LAT2: variants seen among roughly 807,000 people sequenced by gnomAD.
LAT2 encodes linker for activation of T-cells family member 2.
Under a neutral mutation model 43.4 loss-of-function variants are expected in LAT2, and 23 were observed. The ratio of observed to expected loss-of-function variants is 0.53; its 90% CI spans 0.38 to 0.75. LAT2 has a LOEUF of 0.75. Among genes scored for constraint, LAT2 ranks in the 30% least tolerant of loss-of-function variants. The probability of loss-of-function intolerance (pLI) is 0.00; values close to 1 mark genes in which losing one functional copy is unlikely to be tolerated. For missense variants in LAT2, 284 were observed against 310.2 expected, an observed-to-expected ratio of 0.92 and a Z score of 0.64; for synonymous variants, 128 against 123.2, an observed-to-expected ratio of 1.04 and a Z score of -0.26.
At chr7:74,214,149 T>TAAATATATATATGA (rs1448616193) in intron 1 of LAT2, among the ~76,000 whole-genome samples, 2 of 94,416 alleles carry the variant, frequency 2.1e-5, no homozygotes, top group Non-Finnish European at 3.8e-5. Context: ...AAAATATATA[T>TAAATATATATATGA]AAATATATAT....
intron 1 of LAT2, among the ~76,000 whole-genome samples, chr7:74,212,927 T>A (rs929035643): frequency 6.6e-6 from 1 of 152,154 alleles, no homozygotes; most frequent in African/African-American, 2.4e-5. Flanking sequence ...TTCTCTGTGA[T>A]GCGCCTCTTA....
intron 1 of LAT2, among the ~76,000 whole-genome samples, chr7:74,211,888 G>A (rs933000100): frequency 6.6e-6 from 1 of 152,016 alleles, no homozygotes; most frequent in African/African-American, 2.4e-5. Flanking sequence ...TACCGCACCC[G>A]GCCAACAGCG....
At chr7:74,223,631 C>A in intron 10 of LAT2, 93 bp from the exon 11 acceptor site, 1 of 1,213,154 alleles carries the variant, frequency 8.2e-7, no homozygotes, top group South Asian at 1.2e-5. Flanking sequence ...GGAAGAGGTC[C>A]CCTGCAAAGG....
chr7:74,217,420 G>T (rs1356992784), intron 4 of LAT2, among the ~76,000 whole-genome samples: 2 of 151,444 alleles, frequency 1.3e-5, no homozygotes, highest in African/African-American at 2.4e-5. Flanking sequence ...AAAAAAGCAA[G>T]ATTCCGTCTC....
chr7:74,221,736 A>AGCTC, intron 10 of LAT2, 44 bp downstream of exon 10: 2 of 1,553,656 alleles, frequency 1.3e-6, no homozygotes, highest in Non-Finnish European at 1.8e-6. Flanking sequence ...GTGGTGTGGG[A>AGCTC]GCTCAGGGCA....
At chr7:74,223,832 C>T (rs782788147) in intron 11 of LAT2, 49 bp downstream of exon 11, 4 of 1,587,900 alleles carry the variant, frequency 2.5e-6, no homozygotes, top group Non-Finnish European at 2.6e-6. Context: ...CAGCAGGCCT[C>T]CTTGGCCAGG....
chr7:74,214,776 A>AAATAT (rs1563968786), intron 1 of LAT2, 46 bp from the exon 2 acceptor site: 1 of 60,952 alleles, frequency 1.6e-5, no homozygotes, highest in Non-Finnish European at 2.6e-5. Flanking sequence ...TATATATATA[A>AAATAT]ATATATATAT....
chr7:74,212,718 T>TTGGGGGC (rs1801772814), intron 1 of LAT2, among the ~76,000 whole-genome samples: 1 of 151,886 alleles, frequency 6.6e-6, no homozygotes, highest in African/African-American at 2.4e-5. Flanking sequence ...GGGTTGGGGG[T>TTGGGGGC]ACACCCCGGG....
chr7:74,218,566 C>G (rs1452977054), intron 4 of LAT2, among the ~76,000 whole-genome samples: 2 of 152,186 alleles, frequency 1.3e-5, no homozygotes, highest in African/African-American at 4.8e-5. Flanking sequence ...AGGGTGTCTC[C>G]CAGTTGCCAG....
chr7:74,211,605 C>A (rs1801740565), intron 1 of LAT2, among the ~76,000 whole-genome samples: 1 of 151,954 alleles, frequency 6.6e-6, no homozygotes, highest in African/African-American at 2.4e-5. Context: ...CTAGAGGCGC[C>A]TGCCACCACG....
intron 13 of LAT2, among the ~76,000 whole-genome samples, chr7:74,228,221 A>C (rs1269490329): frequency 6.7e-6 from 1 of 148,342 alleles, no homozygotes; most frequent in Non-Finnish European, 1.5e-5. Context: ...TCACGCCTGT[A>C]ATCCCAGCAC....
chr7:74,224,493 C>T (rs1284909791), intron 12 of LAT2, 146 bp from the exon 13 acceptor site: 3 of 721,226 alleles, frequency 4.2e-6, no homozygotes. Context: ...ATCCCAGAGA[C>T]AGGACAGACA....
At chr7:74,217,815 C>T (rs1272183775) in intron 4 of LAT2, among the ~76,000 whole-genome samples, 2 of 152,328 alleles carry the variant, frequency 1.3e-5, no homozygotes, top group South Asian at 2.1e-4. Flanking sequence ...TGTGCACCCC[C>T]GAGCAGTCAC....
At chr7:74,226,960 G>A (rs1554716202) in intron 13 of LAT2, among the ~76,000 whole-genome samples, 1 of 152,102 alleles carries the variant, frequency 6.6e-6, no homozygotes, top group Non-Finnish European at 1.5e-5. Context: ...TGGAGGTCGA[G>A]GCCGTTGGTG....
intron 9 of LAT2, 43 bp from the exon 10 acceptor site, chr7:74,221,594 C>A: frequency 6.4e-7 from 1 of 1,573,060 alleles, no homozygotes; most frequent in Non-Finnish European, 8.7e-7. Context: ...ACCCGATCTC[C>A]AGCCTGCCCT....
In LAT2 at chr7:74,210,978, G is replaced by T. The variant is rs187077564; in HGVS notation, c.-219+890G>T. 3.4e-3 allele frequency among the ~76,000 whole-genome samples: 518 copies of T among 152,160 alleles called. 1 individual carries two copies. The highest frequency in any genetic ancestry group is 4.2e-3 in the Non-Finnish European group (289 of 68,008). ...CAGGGTGGTCTCGAGCGTCCTTCCAGGCGGGATTCAGACACTGTAGCTCCT... is the reference window on the plus strand; with the variant it reads ...CAGGGTGGTCTCGAGCGTCCTTCCATGCGGGATTCAGACACTGTAGCTCCT... On this transcript the variant is annotated intron_variant, in intron 1 of 13. Coordinates refer to ENST00000460943, the MANE Select transcript of LAT2 (RefSeq NM_032464.3).
intron 12 of LAT2, 99 bp from the exon 13 acceptor site, chr7:74,224,540 C>A (rs964957086): frequency 7.8e-6 from 8 of 1,024,214 alleles, no homozygotes; most frequent in Non-Finnish European, 1.2e-5. Flanking sequence ...GCATTTCCCG[C>A]GGGCTGTTTT....
chr7:74,219,064 C>CT (rs1802156262), intron 4 of LAT2, among the ~76,000 whole-genome samples: 1 of 109,638 alleles, frequency 9.1e-6, no homozygotes, highest in Non-Finnish European at 1.7e-5. Flanking sequence ...GAGTCTCGCT[C>CT]TGTCGCCCAG....
chr7:74,228,392 C>A (rs1292885475), intron 13 of LAT2, among the ~76,000 whole-genome samples: 1 of 151,228 alleles, frequency 6.6e-6, no homozygotes, highest in African/African-American at 2.4e-5. Context: ...AAGAGAATGG[C>A]GTGAACCCGG....
Sources: allele counts gnomAD v4.1 joint callset (sites outside exome capture counted in the v4.1 genomes callset), GRCh38; gene constraint gnomAD v4.1.1; transcripts MANE v1.5; gene names NCBI Gene and HGNC (gene_info 2026-07-23, HGNC 2026-07-21).